Variants in NCAM2 observed in about 807,000 individuals in gnomAD.
NCAM2 encodes N-CAM-2.
A neutral mutation model predicts 98.1 loss-of-function variants in NCAM2; 30 were observed. The observed-to-expected ratio is 0.31, with a 90% CI of 0.23 to 0.41. NCAM2 has a LOEUF of 0.41. Among genes scored for constraint, NCAM2 ranks in the 10% least tolerant of loss-of-function variants. NCAM2 has a pLI of 1.00. For synonymous variants in NCAM2, 368 were observed against 342.4 expected (o/e 1.07, Z -0.83); for missense variants, 867 against 1,005.8 (o/e 0.86, Z 1.87).
intron 1 of NCAM2, among the ~76,000 whole-genome samples, chr21:21,139,864 TTTA>T (rs2067131317): frequency 6.6e-6 from 1 of 152,292 alleles, no homozygotes; most frequent in African/African-American, 2.4e-5. Flanking sequence ...AATTTACTCC[TTTA>T]TTAAAAATAA....
chr21:21,195,914 G>A (rs2068988632), intron 1 of NCAM2, among the ~76,000 whole-genome samples: 1 of 152,186 alleles, frequency 6.6e-6, no homozygotes, highest in Non-Finnish European at 1.5e-5. Context: ...TTGATCATAT[G>A]TACTTATAAT....
intron 1 of NCAM2, among the ~76,000 whole-genome samples, chr21:21,110,198 G>A (rs2066427762): frequency 6.6e-6 from 1 of 152,212 alleles, no homozygotes; most frequent in African/African-American, 2.4e-5. Flanking sequence ...ACCCAAGTAT[G>A]TCCTTAACCA....
intron 1 of NCAM2, among the ~76,000 whole-genome samples, chr21:21,090,840 C>A (rs899715603): frequency 6.6e-6 from 1 of 152,174 alleles, no homozygotes; most frequent in South Asian, 2.1e-4. Flanking sequence ...GGCTTGCTGT[C>A]TTACCTATCC....
intron 14 of NCAM2, among the ~76,000 whole-genome samples, chr21:21,473,696 T>G (rs929839019): frequency 1.3e-5 from 2 of 151,902 alleles, no homozygotes; most frequent in African/African-American, 2.4e-5. Flanking sequence ...TCATGAGACT[T>G]CAAAAGGAGT....
chr21:21,477,787 TAAG>T (rs1602457497), intron 15 of NCAM2, among the ~76,000 whole-genome samples: 2 of 152,276 alleles, frequency 1.3e-5, no homozygotes, highest in South Asian at 2.1e-4. Context: ...AAAGCTTTGC[TAAG>T]AAGACAATTT....
At position 21,082,561 on chromosome 21, in the gene NCAM2, C is replaced by T. The variant is rs536647671; in HGVS notation, c.55+83943C>T. 2.6e-5 allele frequency among the ~76,000 whole-genome samples: 4 copies of T among 152,278 alleles called. 1 individual carries two copies. In the South Asian group the frequency reaches 8.3e-4, roughly 32 times the overall value. On this transcript the variant is annotated intron_variant, in intron 1 of 17. Coordinates refer to ENST00000400546, the MANE Select transcript of NCAM2 (RefSeq NM_004540.5). ...AAGTTACACTGATTATTACTACCAC[C>T]TATGCTATTTTTACCACTGCTATTA...
intron 1 of NCAM2, among the ~76,000 whole-genome samples, chr21:21,006,375 T>C (rs779048259): frequency 6.6e-6 from 1 of 152,074 alleles, no homozygotes; most frequent in Non-Finnish European, 1.5e-5. Flanking sequence ...GGCGTGGTGG[T>C]GCATACCTCA....
intron 9 of NCAM2, among the ~76,000 whole-genome samples, chr21:21,375,883 A>G (rs2076022043): frequency 6.6e-6 from 1 of 151,756 alleles, no homozygotes; most frequent in East Asian, 1.9e-4. Context: ...TATTCTTTGC[A>G]TTTCATTAAT....
At chr21:21,461,810 A>T (rs1407617842) in intron 12 of NCAM2, among the ~76,000 whole-genome samples, 1 of 152,010 alleles carries the variant, frequency 6.6e-6, no homozygotes, top group Non-Finnish European at 1.5e-5. Flanking sequence ...GTGAAAATAT[A>T]ATTGAACTGA....
intron 9 of NCAM2, among the ~76,000 whole-genome samples, chr21:21,378,962 C>T (rs75688202): frequency 0.012 from 1,795 of 151,972 alleles, 56 homozygotes; most frequent in Admixed American, 0.057. Context: ...TTATACGGTT[C>T]GTGTTTTTTC....
intron 16 of NCAM2, among the ~76,000 whole-genome samples, chr21:21,515,065 G>A (rs939480586): frequency 1.3e-5 from 2 of 152,118 alleles, no homozygotes; most frequent in Admixed American, 1.3e-4. Context: ...TTTGTATTGG[G>A]AGTGCATTAA....
chr21:21,513,143 A>G (rs536424459), intron 16 of NCAM2, among the ~76,000 whole-genome samples: 137 of 152,250 alleles, frequency 9.0e-4, no homozygotes, highest in African/African-American at 3.2e-3. Flanking sequence ...GAAAGTAGAC[A>G]TCCTTGTCTT....
intron 15 of NCAM2, among the ~76,000 whole-genome samples, chr21:21,492,260 A>C (rs12483671): frequency 0.31 from 46,445 of 151,612 alleles, 7,137 homozygotes; most frequent in South Asian, 0.38. Context: ...TGGTACAAGT[A>C]AATTTCTGAC....
chr21:21,433,083 C>T (rs780271066), intron 12 of NCAM2, among the ~76,000 whole-genome samples: 18 of 152,156 alleles, frequency 1.2e-4, no homozygotes, highest in Non-Finnish European at 1.5e-4. Flanking sequence ...TTCTAGTGAA[C>T]ATAGAGAGAA....
Position 21,540,256 on chromosome 21 carries a change from T to TATATATATACACATATATATATATACAC in NCAM2, c.*2311_*2338dup, listed in dbSNP as rs1434357965. 7 of 136,632 alleles carry TATATATATACACATATATATATATACAC rather than the reference T, an allele frequency of 5.1e-5. No homozygotes were observed. In the South Asian group the frequency reaches 8.6e-4, roughly 17 times the overall value. 8.5% of individuals were successfully genotyped at this position (136,632 alleles called of 1,614,324 possible). A position where few individuals can be genotyped will look rare whatever the true frequency, so the allele number is the denominator to read the frequency against. On this transcript the variant is annotated 3_prime_UTR_variant, in exon 18 of 18. Transcript: ENST00000400546. ...TGTAAAGAAATTGACATATATTTCA[T>TATATATATACACATATATATATATACAC]ATATATATACACATATATATATATA...
intron 1 of NCAM2, among the ~76,000 whole-genome samples, chr21:21,266,313 G>A (rs1161912869): frequency 2.6e-5 from 4 of 151,954 alleles, no homozygotes; most frequent in South Asian, 2.1e-4. Flanking sequence ...CATTATAGAT[G>A]TCTGCAATGT....
intron 9 of NCAM2, among the ~76,000 whole-genome samples, chr21:21,387,943 A>G (rs955472084): frequency 6.6e-6 from 1 of 152,202 alleles, no homozygotes; most frequent in Non-Finnish European, 1.5e-5. Context: ...CATAATAATT[A>G]TGCATCATAA....
At position 21,309,423 on chromosome 21, in the gene NCAM2, T is replaced by C. The variant is rs546029917; in HGVS notation, c.620-14960T>C. Among the ~76,000 whole-genome samples the C allele has an allele frequency of 9.2e-5, 14 of 152,312 alleles. No homozygotes were observed. The South Asian group carries it at 2.1e-3, about 23-fold the overall frequency. ...CTCTGGACTTTCTTTGCCCCACCCA[T>C]GAGATAAGAATGTTTCTGAATTCTT... On this transcript the variant is annotated intron_variant, in intron 5 of 17. Coordinates refer to ENST00000400546, the MANE Select transcript of NCAM2 (RefSeq NM_004540.5).
At chr21:21,387,943 A>C (rs955472084) in intron 9 of NCAM2, among the ~76,000 whole-genome samples, 17 of 152,202 alleles carry the variant, frequency 1.1e-4, no homozygotes, top group Non-Finnish European at 2.2e-4. Flanking sequence ...CATAATAATT[A>C]TGCATCATAA....
Sources: gnomAD v4.1 joint callset for allele counts (sites outside exome capture counted in the v4.1 genomes callset) on GRCh38, gnomAD v4.1.1 for gene constraint, MANE v1.5 for transcripts, NCBI Gene and HGNC (gene_info 2026-07-23, HGNC 2026-07-21) for gene names.